The following AMBRA1 variants were observed in gnomAD, a reference collection of about 807,000 sequenced individuals.
AMBRA1 encodes activating molecule in BECN1-regulated autophagy protein 1.
A neutral mutation model predicts 125.4 loss-of-function variants in AMBRA1; 47 were observed. That is an observed-to-expected ratio of 0.37 (90% CI 0.30 to 0.48). The LOEUF is 0.48. Among genes scored for constraint, AMBRA1 ranks in the 20% least tolerant of loss-of-function variants. The pLI is 0.99. For missense variants in AMBRA1, 1,331 were observed against 1,693.4 expected (o/e 0.79, Z 3.76); for synonymous variants, 626 against 655.5 (o/e 0.95, Z 0.69).
chr11:46,485,832 C>A (rs1219172763), intron 11 of AMBRA1, among the ~76,000 whole-genome samples: 1 of 152,156 alleles, frequency 6.6e-6, no homozygotes, highest in Non-Finnish European at 1.5e-5. Flanking sequence ...GAAGCACAGG[C>A]AATTCAGCTT....
rs1946679963 is a variant in AMBRA1 at position 46,418,466 on chromosome 11, A to T, written c.2977-414T>A. Among the ~76,000 whole-genome samples the T allele has an allele frequency of 2.0e-5, 3 of 151,032 alleles. No homozygotes were observed. In the South Asian group the frequency reaches 6.2e-4, roughly 31 times the overall value. On this transcript the variant is annotated intron_variant, in intron 14 of 17. Transcript: ENST00000683756. ...TGCACAACGTGCAGGTTTGTTACATATGTATACACGTGCCACGTTGGTGTG... is the reference window on the plus strand; with the variant it reads ...TGCACAACGTGCAGGTTTGTTACATTTGTATACACGTGCCACGTTGGTGTG...
intron 7 of AMBRA1, among the ~76,000 whole-genome samples, chr11:46,524,252 T>C (rs934216468): frequency 1.3e-5 from 2 of 152,180 alleles, no homozygotes; most frequent in African/African-American, 4.8e-5. Context: ...GGGAGTGGAA[T>C]GCCCCCCAGA....
Position 46,564,936 on chromosome 11 carries a change from C to T in AMBRA1, c.-120-16436G>A, listed in dbSNP as rs374268276. ...AATCACGGTAAATAAGTTATGTGCA[C>T]CAAGAATGTAGAGTGTGAGTACTCT... is the stretch of plus-strand genomic sequence containing the variant. On this transcript the variant is annotated intron_variant, in intron 1 of 17. Coordinates refer to ENST00000683756, the MANE Select transcript of AMBRA1 (RefSeq NM_001387011.1). Among the ~76,000 whole-genome samples the T allele has an allele frequency of 3.9e-3, 595 of 152,192 alleles. 3 individuals carry two copies. Among genetic ancestry groups the T allele is most frequent in the African/African-American group, 0.014 (581 of 41,536 alleles).
rs1952826555 is a variant in AMBRA1 at position 46,543,003 on chromosome 11, G to T, written c.1014C>A (p.Thr338=). ...SVPPASARAT[T]PSFSFVQTEP... is the part of the protein sequence containing the mutation. ...CGGTCTGTACAAAAGAAAAGGAAGG[G>T]GTAGTAGCTCTGGCAGAAGCAGGGG... The change falls in exon 7 of 18, where the codon ACC becomes ACA. Residue 338 remains threonine, a synonymous_variant. Transcript: ENST00000683756. 3 of 1,600,654 alleles carry T rather than the reference G, an allele frequency of 1.9e-6. No homozygotes were observed. In the East Asian group the frequency reaches 6.7e-5, roughly 36 times the overall value.
Position 46,593,843 on chromosome 11 carries a change from G to A in AMBRA1, c.-136C>T, listed in dbSNP as rs2044694029. ...CTGGGCCTACCTGCAAGGCAGACGGGAGCTCGGTTTGCAGTCCAGCGAACG... is the reference window on the plus strand; with the variant it reads ...CTGGGCCTACCTGCAAGGCAGACGGAAGCTCGGTTTGCAGTCCAGCGAACG... On this transcript the variant is annotated 5_prime_UTR_variant, in exon 1 of 18. Coordinates refer to ENST00000683756, the MANE Select transcript of AMBRA1 (RefSeq NM_001387011.1). 1 of 396,896 alleles carries A rather than the reference G, an allele frequency of 2.5e-6. No homozygotes were observed. The highest frequency in any genetic ancestry group is 4.4e-6 in the Non-Finnish European group (1 of 225,570). The allele number at this position is 396,896 out of a possible 1,614,324, so 24.6% of individuals were successfully genotyped here.
intron 9 of AMBRA1, among the ~76,000 whole-genome samples, chr11:46,502,618 G>C (rs992208842): frequency 6.6e-6 from 1 of 152,140 alleles, no homozygotes; most frequent in African/African-American, 2.4e-5. Flanking sequence ...TCAAGGACAG[G>C]TGGCTAGAAT....
chr11:46,458,804 C>T (rs1948963609), intron 11 of AMBRA1, among the ~76,000 whole-genome samples: 1 of 152,106 alleles, frequency 6.6e-6, no homozygotes, highest in Non-Finnish European at 1.5e-5. Context: ...TTAGAATATT[C>T]CCATCCATAA....
At chr11:46,475,469 T>A (rs574687826) in intron 11 of AMBRA1, among the ~76,000 whole-genome samples, 1 of 152,342 alleles carries the variant, frequency 6.6e-6, no homozygotes, top group African/African-American at 2.4e-5. Flanking sequence ...CTGTATTCTT[T>A]GATTGAGTCT....
chr11:46,493,683 G>A lies in AMBRA1; in HGVS notation c.2446C>T (p.Pro816Ser). 1 of 1,600,474 alleles carries A rather than the reference G, an allele frequency of 6.2e-7. No individual in the cohort carries two copies. The highest frequency in any genetic ancestry group is 8.5e-7 in the Non-Finnish European group (1 of 1,176,376). ...PRRFLLPEYL[P>S]YAGIFHERGQ... ...CGTTCATGAAAAATCCCAGCATAAG[G>A]CAAGTACTCAGGCAGCAAGAAACGC... Residue 816 changes from proline (P) to serine (S), a missense_variant, in exon 11 of 18, where the codon CCT becomes TCT. This residue lies in a region of AMBRA1 where 354 missense variants were observed against 532.7 expected (regional missense o/e 0.66). Transcript: ENST00000683756.
At chr11:46,487,699 G>C (rs1950313031) in intron 11 of AMBRA1, among the ~76,000 whole-genome samples, 1 of 151,958 alleles carries the variant, frequency 6.6e-6, no homozygotes, top group Non-Finnish European at 1.5e-5. Context: ...GAATTTAAAA[G>C]ACACATTAGA....
At chr11:46,573,154 T>A in intron 1 of AMBRA1, among the ~76,000 whole-genome samples, 1 of 149,242 alleles carries the variant, frequency 6.7e-6, no homozygotes, top group East Asian at 2.0e-4. Flanking sequence ...CCTGTAATCC[T>A]AGCACTTTGG....
Position 46,514,472 on chromosome 11 carries a change from G to C in AMBRA1, c.2073-1659C>G, listed in dbSNP as rs572992622. Among the ~76,000 whole-genome samples the C allele has an allele frequency of 6.6e-5, 10 of 152,286 alleles. No homozygotes were observed. The East Asian group carries it at 1.9e-3, about 29-fold the overall frequency. ...TGTAAACAAGGAGGAAGAGAGGAAA[G>C]CAATAAAATACATCTCTCTGGTTGA... On this transcript the variant is annotated intron_variant, in intron 7 of 17. Transcript: ENST00000683756.
chr11:46,482,637 C>G (rs1950115478), intron 11 of AMBRA1, among the ~76,000 whole-genome samples: 1 of 152,136 alleles, frequency 6.6e-6, no homozygotes, highest in Admixed American at 6.6e-5. Context: ...TTCCCTTGTT[C>G]CTTTGTACCC....
intron 11 of AMBRA1, among the ~76,000 whole-genome samples, chr11:46,452,157 T>A (rs1169006184): frequency 6.6e-6 from 1 of 152,074 alleles, no homozygotes; most frequent in Non-Finnish European, 1.5e-5. Flanking sequence ...TTCAAATAAA[T>A]GTCTATCAAT....
At chr11:46,406,980 A>G (rs1454314263) in intron 17 of AMBRA1, among the ~76,000 whole-genome samples, 1 of 151,994 alleles carries the variant, frequency 6.6e-6, no homozygotes, top group Non-Finnish European at 1.5e-5. Flanking sequence ...GGAGTTCGAG[A>G]CCAGCCTGGA....
At chr11:46,548,659 T>A (rs2042897765) in intron 1 of AMBRA1, among the ~76,000 whole-genome samples, 159 bp from the exon 2 acceptor site, 1 of 152,212 alleles carries the variant, frequency 6.6e-6, no homozygotes, top group South Asian at 2.1e-4. Context: ...CCAAAAATAT[T>A]TCATACTCTC....
At chr11:46,439,273 C>G (rs964313443) in intron 12 of AMBRA1, among the ~76,000 whole-genome samples, 2 of 152,064 alleles carry the variant, frequency 1.3e-5, no homozygotes, top group African/African-American at 4.8e-5. Context: ...GACCCTGTGT[C>G]TAAAAATAAT....
intron 11 of AMBRA1, among the ~76,000 whole-genome samples, chr11:46,484,897 G>A (rs775158601): frequency 2.0e-5 from 3 of 150,692 alleles, no homozygotes; most frequent in Non-Finnish European, 2.9e-5. Flanking sequence ...CACCTGCCTC[G>A]GCCTCTGAAA....
chr11:46,417,382 T>C (rs557060639), intron 15 of AMBRA1, among the ~76,000 whole-genome samples: 1 of 152,282 alleles, frequency 6.6e-6, no homozygotes, highest in East Asian at 1.9e-4. Context: ...CTTTCACTAG[T>C]ATAAGCTAGA....
Sources: gnomAD v4.1 joint callset for allele counts (sites outside exome capture counted in the v4.1 genomes callset) on GRCh38, gnomAD v4.1.1 for gene constraint, gnomAD v4.1.1 regional missense constraint, MANE v1.5 for transcripts, NCBI Gene and HGNC (gene_info 2026-07-23, HGNC 2026-07-21) for gene names.